HMSD: variants seen among roughly 807,000 people sequenced by gnomAD.
HMSD encodes the protein histocompatibility minor serpin domain containing, also known as serpin-like protein HMSD.
In HMSD, 13 loss-of-function variants were observed where a neutral mutation model predicts 10.0. The observed-to-expected ratio is 1.31, with a 90% confidence interval of 0.85 to 2.08. HMSD has a LOEUF of 2.08. HMSD is among the 30% of genes most tolerant of loss of function. The pLI is 0.00. For synonymous variants in HMSD, 51 were observed against 54.2 expected (o/e 0.94, Z 0.26); for missense variants, 169 against 166.3 (o/e 1.02, Z -0.09).
At chr18:63,960,059 C>A in intron 3 of HMSD, 99 bp from the exon 4 acceptor site, 1 of 1,184,192 alleles carries the variant, frequency 8.4e-7, no homozygotes, top group Non-Finnish European at 1.2e-6. Flanking sequence ...TATGGTAAAT[C>A]ATAAAATTAT....
chr18:63,969,484 A>T (rs1320468477), intron 3 of HMSD: 1 of 152,240 alleles, frequency 6.6e-6, no homozygotes, highest in Non-Finnish European at 1.5e-5. Context: ...TAGTTAAAAG[A>T]ACTGCGGAGG....
chr18:63,963,079 T>TTC (rs1555710046), downstream of HMSD, among the ~76,000 whole-genome samples: 6,539 of 48,294 alleles, frequency 0.14, 225 homozygotes, highest in African/African-American at 0.19. Context: ...TTCTCTTTCT[T>TTC]TCTTTCTTTC....
At chr18:63,966,708 A>G (rs1368369186), downstream of HMSD, 2 of 152,254 alleles carry the variant, frequency 1.3e-5, no homozygotes, top group African/African-American at 4.8e-5. Flanking sequence ...TATGTGAAAC[A>G]CTGTCCAATT....
intron 3 of HMSD, among the ~76,000 whole-genome samples, chr18:63,959,418 A>G (rs2050374869): frequency 6.6e-6 from 1 of 152,088 alleles, no homozygotes; most frequent in South Asian, 2.1e-4. Flanking sequence ...TTCGTGTGTT[A>G]TTGAATCTCC....
Position 63,953,412 on chromosome 18 carries a change from A to C in HMSD, c.-44A>C. On this transcript the variant is annotated 5_prime_UTR_variant, in exon 2 of 4. Coordinates refer to ENST00000408945, the MANE Select transcript of HMSD (RefSeq NM_001123366.2). Reference sequence around the variant, plus strand: ...TGGCACATTTGCATTAAACCTTTTGAAAAAGCTAGGGGAAAACAACTCAAA... The same window carrying C: ...TGGCACATTTGCATTAAACCTTTTGCAAAAGCTAGGGGAAAACAACTCAAA... 1 of 1,526,690 alleles carries C rather than the reference A, an allele frequency of 6.6e-7. No homozygotes were observed. Among genetic ancestry groups the C allele is most frequent in the African/African-American group, 1.4e-5 (1 of 73,256 alleles). 94.6% of individuals were successfully genotyped at this position (1,526,690 alleles called of 1,614,324 possible). A position where few individuals can be genotyped will look rare whatever the true frequency, so the allele number is the denominator to read the frequency against.
intron 3 of HMSD, among the ~76,000 whole-genome samples, chr18:63,957,489 C>G (rs2050365339): frequency 6.6e-6 from 1 of 151,976 alleles, no homozygotes. Context: ...ATCTCTCTTA[C>G]TGTGATATGT....
At chr18:63,958,447 G>C (rs2050370284) in intron 3 of HMSD, among the ~76,000 whole-genome samples, 1 of 152,130 alleles carries the variant, frequency 6.6e-6, no homozygotes, top group South Asian at 2.1e-4. Context: ...TTAGCTGTGA[G>C]CAGTTTGAGA....
chr18:63,960,294 T>G lies in HMSD; in HGVS notation c.359T>G (p.Phe120Cys). The change falls in exon 4 of 4, where the codon TTC becomes TGC. Residue 120 changes from phenylalanine (F) to cysteine (C), a missense_variant. Phe to Cys is a radical substitution (Grantham distance 205). Transcript: ENST00000408945. Reference sequence around the variant, plus strand: ...ACTAAAGGTGAAAATATATTGTTATTCTATTTCGATAATATTTTAAACAGT... The same window carrying G: ...ACTAAAGGTGAAAATATATTGTTATGCTATTTCGATAATATTTTAAACAGT... ...DKTKGENILL[F>C]YFDNILNSFI... 1.2e-6 allele frequency: 2 copies of G among 1,608,648 alleles called. No individual in the cohort carries two copies. The highest frequency in any genetic ancestry group is 1.7e-6 in the Non-Finnish European group (2 of 1,177,276).
At chr18:63,954,348 C>T (rs1309705721) in intron 2 of HMSD, 60 bp from the exon 3 acceptor site, 9 of 1,201,494 alleles carry the variant, frequency 7.5e-6, no homozygotes, top group Non-Finnish European at 9.7e-6. Flanking sequence ...ACTGTTGTGC[C>T]TATATTTTGA....
intron 3 of HMSD, among the ~76,000 whole-genome samples, chr18:63,957,361 G>A (rs1477872683): frequency 6.6e-6 from 1 of 151,672 alleles, no homozygotes; most frequent in Non-Finnish European, 1.5e-5. Flanking sequence ...ACTTTTATGT[G>A]TATTGAGAAT....
At chr18:63,967,396 A>C (rs112753355) in intron 3 of HMSD, among the ~76,000 whole-genome samples, 2,392 of 152,264 alleles carry the variant, frequency 0.016, 65 homozygotes, top group African/African-American at 0.055. Context: ...GGCCTCCAAA[A>C]GTGCTGGGAT....
intron 3 of HMSD, 92 bp downstream of exon 3, chr18:63,954,649 C>A: frequency 1.8e-6 from 2 of 1,119,040 alleles, no homozygotes; most frequent in East Asian, 2.4e-5. Context: ...GCAGGTGGTC[C>A]TGAACTCAGA....
chr18:63,952,304 C>T (rs1326915479), intron 1 of HMSD, among the ~76,000 whole-genome samples: 4 of 151,818 alleles, frequency 2.6e-5, no homozygotes, highest in South Asian at 2.1e-4. Flanking sequence ...AAAAAGATCT[C>T]GCCTAGTGTT....
rs115089154 is a variant in HMSD at position 63,960,631 on chromosome 18, A to G, written c.*276A>G. The G allele has an allele frequency of 4.1e-3, 1,363 of 336,516 alleles. 19 individuals carry two copies. The highest frequency in any genetic ancestry group is 0.021 in the African/African-American group (938 of 45,034). The allele number at this position is 336,516 out of a possible 1,614,324, so 20.8% of individuals were successfully genotyped here. A position where few individuals can be genotyped will look rare whatever the true frequency, so the allele number is the denominator to read the frequency against. ...GTATGGTTTACAGGCTTGAAATGCA[A>G]CTGCTGTGATCAGTGATAAGGGAAC... On this transcript the variant is annotated 3_prime_UTR_variant, in exon 4 of 4. Transcript: ENST00000408945.
intron 3 of HMSD, among the ~76,000 whole-genome samples, chr18:63,957,314 A>T (rs1035586158): frequency 5.3e-5 from 8 of 152,194 alleles, no homozygotes; most frequent in African/African-American, 7.2e-5. Context: ...CAACAAAAAA[A>T]AAAAATAAAA....
At chr18:63,952,312 G>A (rs140522093) in intron 1 of HMSD, among the ~76,000 whole-genome samples, 111 of 151,940 alleles carry the variant, frequency 7.3e-4, no homozygotes, top group African/African-American at 2.6e-3. Flanking sequence ...CTCGCCTAGT[G>A]TTATCTCACT....
downstream of HMSD, among the ~76,000 whole-genome samples, chr18:63,965,536 C>A (rs879399557): frequency 2.0e-5 from 3 of 152,300 alleles, no homozygotes; most frequent in East Asian, 1.9e-4. Flanking sequence ...ATATCAGGAG[C>A]CTTTTTTTCT....
Position 63,960,825 on chromosome 18 carries a change from A to C in HMSD, c.*470A>C, listed in dbSNP as rs764850965. The stretch of plus-strand genomic sequence containing the variant: ...CTGGCCAACTTTTCCCTTTGTACCA[A>C]AGCCAGCTACTTAGCTTCAGGGAGA... On this transcript the variant is annotated 3_prime_UTR_variant, in exon 4 of 4. Coordinates refer to ENST00000408945, the MANE Select transcript of HMSD (RefSeq NM_001123366.2). 1 of 157,358 alleles carries C rather than the reference A, an allele frequency of 6.4e-6. No homozygotes were observed. 9.7% of individuals were successfully genotyped at this position (157,358 alleles called of 1,614,324 possible).
In HMSD at chr18:63,960,875, G is replaced by A. The variant is rs1048690891; in HGVS notation, c.*520G>A. The A allele has an allele frequency of 1.1e-4, 17 of 153,724 alleles. No individual in the cohort carries two copies. The highest frequency in any genetic ancestry group is 3.9e-4 in the African/African-American group (16 of 41,444). 9.5% of individuals were successfully genotyped at this position (153,724 alleles called of 1,614,324 possible). ...AGAATGAGACTGAAGATTACAAGGAGACATCCACATTATATGTGGGCTGAG... is the reference window on the plus strand; with the variant it reads ...AGAATGAGACTGAAGATTACAAGGAAACATCCACATTATATGTGGGCTGAG... On this transcript the variant is annotated 3_prime_UTR_variant, in exon 4 of 4. Transcript: ENST00000408945.
Sources: gnomAD v4.1 joint callset for allele counts (sites outside exome capture counted in the v4.1 genomes callset) on GRCh38, gnomAD v4.1.1 for gene constraint, MANE v1.5 for transcripts, NCBI Gene and HGNC (gene_info 2026-07-23, HGNC 2026-07-21) for gene names.